Variants in SLC35F4 observed in about 807,000 individuals in gnomAD.
SLC35F4 encodes the protein chromosome 14 open reading frame 36.
A neutral mutation model predicts 44.2 loss-of-function variants in SLC35F4; 24 were observed. That is an observed-to-expected ratio of 0.54 (90% CI 0.39 to 0.76). SLC35F4 has a LOEUF of 0.76. Ranked by LOEUF, SLC35F4 falls within the 30% of genes least tolerant of loss-of-function variation. The pLI is 0.00. For missense variants in SLC35F4, 562 were observed against 586.1 expected (o/e 0.96, Z 0.42); for synonymous variants, 238 against 223.6 (o/e 1.06, Z -0.57).
intron 1 of SLC35F4, among the ~76,000 whole-genome samples, chr14:57,929,103 C>T (rs960454934): frequency 1.3e-5 from 2 of 152,032 alleles, no homozygotes; most frequent in African/African-American, 4.8e-5. Context: ...ATTGTGAACC[C>T]CTGCAAGGGT....
chr14:57,979,723 G>T (rs1207778911), intron 1 of SLC35F4, among the ~76,000 whole-genome samples: 1 of 152,222 alleles, frequency 6.6e-6, no homozygotes, highest in East Asian at 1.9e-4. Context: ...TTCCTCAGAA[G>T]TGTCTTCAGA....
At chr14:57,657,478 A>G (rs766117868) in intron 1 of SLC35F4, among the ~76,000 whole-genome samples, 1 of 152,154 alleles carries the variant, frequency 6.6e-6, no homozygotes, top group African/African-American at 2.4e-5. Flanking sequence ...CTGGCATGAC[A>G]TAATTTACCC....
intron 1 of SLC35F4, among the ~76,000 whole-genome samples, chr14:57,598,431 C>A (rs917114383): frequency 6.6e-6 from 1 of 152,138 alleles, no homozygotes; most frequent in Non-Finnish European, 1.5e-5. Flanking sequence ...TGTTTAGGAA[C>A]TTCAAAGCGA....
intron 1 of SLC35F4, among the ~76,000 whole-genome samples, chr14:57,697,397 T>C (rs1308512289): frequency 6.6e-6 from 1 of 152,116 alleles, no homozygotes; most frequent in Non-Finnish European, 1.5e-5. Flanking sequence ...ATGATTATTA[T>C]AGAACATTTA....
chr14:57,878,487 C>T lies in SLC35F4; in HGVS notation n.282+103426G>A, dbSNP rs147100742. On this transcript the variant is annotated intron_variant and non_coding_transcript_variant, in intron 1 of 1. Coordinates refer to the SLC35F4 transcript ENST00000556568. Reference sequence around the variant, plus strand: ...CCAACCTCAACTCTGTGACTACTCCCCTCATTCTAAATTCCTGAATGAACT... The same window carrying T: ...CCAACCTCAACTCTGTGACTACTCCTCTCATTCTAAATTCCTGAATGAACT... Among the ~76,000 whole-genome samples the T allele has an allele frequency of 1.6e-3, 251 of 152,238 alleles. 1 individual carries two copies. Among genetic ancestry groups the T allele is most frequent in the African/African-American group, 5.8e-3 (241 of 41,550 alleles).
At chr14:57,869,377 T>C (rs1048976053), upstream of SLC35F4, among the ~76,000 whole-genome samples, 19 of 152,162 alleles carry the variant, frequency 1.2e-4, no homozygotes, top group East Asian at 5.8e-4. Context: ...TATCAGTCTA[T>C]ACACTTTGGA....
At chr14:57,897,563 G>C (rs1888898920) in intron 1 of SLC35F4, among the ~76,000 whole-genome samples, 1 of 151,964 alleles carries the variant, frequency 6.6e-6, no homozygotes, top group African/African-American at 2.4e-5. Flanking sequence ...GTGGCTCACA[G>C]ATCAGTGATG....
At chr14:57,910,365 A>G (rs1889193662) in intron 1 of SLC35F4, among the ~76,000 whole-genome samples, 1 of 152,060 alleles carries the variant, frequency 6.6e-6, no homozygotes, top group African/African-American at 2.4e-5. Context: ...TACCTAAAAT[A>G]TTATCATCAT....
intron 1 of SLC35F4, among the ~76,000 whole-genome samples, chr14:57,718,597 T>C (rs2076002612): frequency 6.6e-6 from 1 of 152,224 alleles, no homozygotes; most frequent in Non-Finnish European, 1.5e-5. Flanking sequence ...TGATCAATAA[T>C]GTTGAGCACT....
chr14:57,868,185 A>T (rs1178221493), upstream of SLC35F4, among the ~76,000 whole-genome samples: 1 of 152,212 alleles, frequency 6.6e-6, no homozygotes, highest in Non-Finnish European at 1.5e-5. Flanking sequence ...AAAAGTAAAA[A>T]TTTTCAGACT....
chr14:57,805,387 T>C (rs1205091201), intron 1 of SLC35F4, among the ~76,000 whole-genome samples: 1 of 152,172 alleles, frequency 6.6e-6, no homozygotes, highest in Non-Finnish European at 1.5e-5. Flanking sequence ...CCATCAATGA[T>C]AGACTGGATA....
At chr14:57,710,732 T>C (rs1411148951) in intron 1 of SLC35F4, among the ~76,000 whole-genome samples, 1 of 152,126 alleles carries the variant, frequency 6.6e-6, no homozygotes, top group African/African-American at 2.4e-5. Context: ...GACTGCCCTA[T>C]TGAATTTTGG....
chr14:57,762,773 A>G (rs1933357671), intron 1 of SLC35F4, among the ~76,000 whole-genome samples: 1 of 152,098 alleles, frequency 6.6e-6, no homozygotes, highest in South Asian at 2.1e-4. Context: ...GCCTTCTACC[A>G]TATTATGATG....
intron 1 of SLC35F4, among the ~76,000 whole-genome samples, chr14:57,898,884 G>T (rs750127184): frequency 6.6e-6 from 1 of 152,198 alleles, no homozygotes; most frequent in Non-Finnish European, 1.5e-5. Flanking sequence ...ATGGCTTAAA[G>T]CCAGTTTGGA....
chr14:57,778,912 C>A (rs969796695), intron 1 of SLC35F4, among the ~76,000 whole-genome samples: 10 of 152,070 alleles, frequency 6.6e-5, no homozygotes, highest in Non-Finnish European at 8.8e-5. Flanking sequence ...TCAAAAAGTT[C>A]TTTGAAACCA....
intron 1 of SLC35F4, among the ~76,000 whole-genome samples, chr14:57,689,130 G>A (rs1431897890): frequency 6.6e-6 from 1 of 152,072 alleles, no homozygotes. Flanking sequence ...TTCAAATTCA[G>A]CATTCCACAA....
rs566673570 is a variant in SLC35F4 at position 57,698,864 on chromosome 14, G to T, written c.104-104740C>A. Among the ~76,000 whole-genome samples the T allele has an allele frequency of 2.0e-5, 3 of 152,176 alleles. No homozygotes were observed. The East Asian group carries it at 5.8e-4, about 29-fold the overall frequency. On this transcript the variant is annotated intron_variant, in intron 1 of 7. Coordinates refer to ENST00000556826, the MANE Select transcript of SLC35F4 (RefSeq NM_001306087.2). Reference sequence around the variant, plus strand: ...TGGTCTCAAACTCCTGACCTCAGGAGATCCACGCACCTCGGCCTTCCAAAG... The same window carrying T: ...TGGTCTCAAACTCCTGACCTCAGGATATCCACGCACCTCGGCCTTCCAAAG...
intron 1 of SLC35F4, among the ~76,000 whole-genome samples, chr14:57,716,538 A>G (rs73288282): frequency 0.016 from 2,408 of 152,276 alleles, 71 homozygotes; most frequent in African/African-American, 0.055. Flanking sequence ...ACTGTTCATT[A>G]TGTTACTTTA....
intron 1 of SLC35F4, among the ~76,000 whole-genome samples, chr14:57,951,991 G>A (rs1295725499): frequency 6.6e-6 from 1 of 152,220 alleles, no homozygotes; most frequent in Non-Finnish European, 1.5e-5. Flanking sequence ...TCCTGATTGG[G>A]AAACACCTCC....
Sources: allele counts gnomAD v4.1 joint callset (sites outside exome capture counted in the v4.1 genomes callset), GRCh38; gene constraint gnomAD v4.1.1; transcripts MANE v1.5; gene names NCBI Gene and HGNC (gene_info 2026-07-23, HGNC 2026-07-21).